Variants in SLC22A2 observed in about 807,000 individuals in gnomAD.
The protein encoded by SLC22A2 is solute carrier family 22 member 2.
In SLC22A2, 46 loss-of-function variants were observed where a neutral mutation model predicts 60.5. The observed-to-expected ratio is 0.76, with a 90% CI of 0.60 to 0.97. The LOEUF (loss-of-function observed/expected upper bound fraction) is 0.97, where lower values mean the gene tolerates loss of function less well. SLC22A2 is among the 50% of genes least tolerant of loss of function. The pLI is 0.00. For missense variants in SLC22A2, 701 were observed against 706.6 expected, an observed-to-expected ratio of 0.99 and a Z score of 0.09; for synonymous variants, 303 against 267.0, an observed-to-expected ratio of 1.13 and a Z score of -1.31.
Position 160,240,513 on chromosome 6 carries a change from T to C in SLC22A2, c.1501+961A>G, listed in dbSNP as rs6933081. Among the ~76,000 whole-genome samples the C allele has an allele frequency of 9.0e-3, 1,363 of 152,262 alleles. 29 individuals are homozygous for C. Among genetic ancestry groups the C allele is most frequent in the African/African-American group, 0.031 (1,292 of 41,536 alleles). On this transcript the variant is annotated intron_variant, in intron 9 of 10. Transcript: ENST00000366953. ...ACAGGAGGCCAGCAAAGAATTTACTTATGAATGACCTGCAGGGGTGGTCCT... is the reference window on the plus strand; with the variant it reads ...ACAGGAGGCCAGCAAAGAATTTACTCATGAATGACCTGCAGGGGTGGTCCT...
intron 5 of SLC22A2, among the ~76,000 whole-genome samples, chr6:160,245,970 G>C (rs980043237): frequency 1.3e-5 from 2 of 151,304 alleles, no homozygotes; most frequent in South Asian, 4.2e-4. Context: ...CGGGCTCAAG[G>C]AATTCTTCTG....
chr6:160,220,312 C>T (rs540448788), intron 10 of SLC22A2, among the ~76,000 whole-genome samples: 25 of 152,326 alleles, frequency 1.6e-4, no homozygotes, highest in East Asian at 5.8e-4. Context: ...AGTTTTATCA[C>T]GAGGTTGAAG....
intron 10 of SLC22A2, among the ~76,000 whole-genome samples, chr6:160,219,545 C>T (rs1198245637): frequency 1.3e-5 from 2 of 151,678 alleles, no homozygotes; most frequent in Non-Finnish European, 1.5e-5. Flanking sequence ...GAAACTTTGG[C>T]TTTGTCACTG....
chr6:160,248,808 T>C (rs1009868136), intron 4 of SLC22A2, among the ~76,000 whole-genome samples: 1 of 152,208 alleles, frequency 6.6e-6, no homozygotes, highest in African/African-American at 2.4e-5. Flanking sequence ...GGCATGAGTA[T>C]TGGGAAATGG....
chr6:160,245,323 G>T, intron 6 of SLC22A2, 116 bp downstream of exon 6: 1 of 568,560 alleles, frequency 1.8e-6, no homozygotes, highest in Non-Finnish European at 3.1e-6. Context: ...AACCCACATT[G>T]CTGCCCACCG....
At chr6:160,247,357 A>T (rs2279463) in intron 4 of SLC22A2, 59 bp from the exon 5 acceptor site, 52 of 872,448 alleles carry the variant, frequency 6.0e-5, no homozygotes, top group Admixed American at 2.2e-4. Context: ...CCCATCCCCC[A>T]TTTTTTTATA....
Position 160,250,649 on chromosome 6 carries a change from C to A in SLC22A2, c.572G>T (p.Gly191Val). ...LTTVLINAAA[G>V]VLMAISPTYT... ...GGTTGGGGAAATGGCCATGAGAACT[C>A]CAGCTGCAGCATTTATGAGGACTGT... Residue 191 changes from glycine (G) to valine (V), a missense_variant, in exon 3 of 11, where the codon GGA (glycine) becomes GTA (valine). Physicochemically the swap from Gly to Val is moderately radical, Grantham distance 109 (BLOSUM62 -3). Coordinates refer to ENST00000366953, the MANE Select transcript of SLC22A2 (RefSeq NM_003058.4). 1 of 1,614,062 alleles carries A rather than the reference C, an allele frequency of 6.2e-7. No homozygotes were observed. The highest frequency in any genetic ancestry group is 8.5e-7 in the Non-Finnish European group (1 of 1,179,972).
chr6:160,254,111 C>T (rs1783230631), intron 2 of SLC22A2, among the ~76,000 whole-genome samples: 2 of 152,054 alleles, frequency 1.3e-5, no homozygotes, highest in Non-Finnish European at 2.9e-5. Flanking sequence ...AACCCTGTCT[C>T]TACTAAAAAT....
chr6:160,217,861 A>T (rs754223756), intron 10 of SLC22A2: 6 of 163,664 alleles, frequency 3.7e-5, no homozygotes, highest in Non-Finnish European at 6.6e-5. Flanking sequence ...TGCAAATAGA[A>T]TTTGAAAAAT....
At chr6:160,249,902 A>G (rs1783156077) in intron 3 of SLC22A2, among the ~76,000 whole-genome samples, 1 of 152,240 alleles carries the variant, frequency 6.6e-6, no homozygotes, top group African/African-American at 2.4e-5. Flanking sequence ...CTGGTTTTAC[A>G]TGCTGGGGAA....
In SLC22A2 at chr6:160,217,080, A is replaced by T. The variant is rs1026991167; in HGVS notation, c.*352T>A. ...TTTACTGTTTTTCACACTTTTTTCT[A>T]TTTTGTTTGCCTAGCCCACAGTTCC... On this transcript the variant is annotated 3_prime_UTR_variant, in exon 11 of 11. Transcript: ENST00000366953. The T allele has an allele frequency of 1.1e-5, 2 of 180,566 alleles. No homozygotes were observed. The highest frequency in any genetic ancestry group is 2.7e-4 in the East Asian group (2 of 7,336). 11.2% of individuals were successfully genotyped at this position (180,566 alleles called of 1,614,324 possible).
At chr6:160,236,896 A>G (rs898000171) in intron 9 of SLC22A2, among the ~76,000 whole-genome samples, 3 of 152,212 alleles carry the variant, frequency 2.0e-5, no homozygotes, top group African/African-American at 7.2e-5. Flanking sequence ...GATTCCTTTT[A>G]TGGAACAAAG....
chr6:160,233,320 A>G (rs1347744369), intron 9 of SLC22A2, among the ~76,000 whole-genome samples: 1 of 151,802 alleles, frequency 6.6e-6, no homozygotes, highest in Non-Finnish European at 1.5e-5. Flanking sequence ...ACCTCTATAC[A>G]GTCTGATAAC....
chr6:160,234,318 A>G (rs1390101680), intron 9 of SLC22A2, among the ~76,000 whole-genome samples: 1 of 152,176 alleles, frequency 6.6e-6, no homozygotes, highest in Non-Finnish European at 1.5e-5. Context: ...CACGGACACG[A>G]GTGAAAGTTA....
chr6:160,222,632 G>A (rs1782660207), intron 10 of SLC22A2, among the ~76,000 whole-genome samples: 1 of 152,214 alleles, frequency 6.6e-6, no homozygotes, highest in Non-Finnish European at 1.5e-5. Context: ...GCTGCATGGG[G>A]AGAGGGGTAC....
At chr6:160,227,278 A>G (rs1782739205) in intron 9 of SLC22A2, among the ~76,000 whole-genome samples, 1 of 152,200 alleles carries the variant, frequency 6.6e-6, no homozygotes, top group African/African-American at 2.4e-5. Context: ...ACATAATAAG[A>G]GCCTTGGTTT....
chr6:160,223,699 G>C (rs1459447343), intron 10 of SLC22A2, among the ~76,000 whole-genome samples: 2 of 152,036 alleles, frequency 1.3e-5, no homozygotes. Context: ...CTAGGTTAAA[G>C]GATATACATG....
At chr6:160,251,955 A>G (rs1383544004) in intron 2 of SLC22A2, among the ~76,000 whole-genome samples, 2 of 152,202 alleles carry the variant, frequency 1.3e-5, no homozygotes, top group Non-Finnish European at 2.9e-5. Context: ...TGTTTTGACC[A>G]TGTAATTTCA....
At chr6:160,255,688 C>T in intron 2 of SLC22A2, among the ~76,000 whole-genome samples, 1 of 152,074 alleles carries the variant, frequency 6.6e-6, no homozygotes, top group Admixed American at 6.5e-5. Flanking sequence ...AATACTATTA[C>T]CCACAATGTT....
Sources: gnomAD v4.1 joint callset for allele counts (sites outside exome capture counted in the v4.1 genomes callset) on GRCh38, gnomAD v4.1.1 for gene constraint, MANE v1.5 for transcripts, NCBI Gene and HGNC (gene_info 2026-07-23, HGNC 2026-07-21) for gene names.